Variants in EEFSEC observed in about 807,000 individuals in gnomAD.
The protein encoded by EEFSEC is selenocysteine-specific elongation factor.
A neutral mutation model predicts 42.1 loss-of-function variants in EEFSEC; 43 were observed. That is an observed-to-expected ratio of 1.02 (90% CI 0.80 to 1.32). The LOEUF is 1.32. EEFSEC is among the 40% of genes most tolerant of loss of function. EEFSEC has a pLI of 0.00. For missense variants in EEFSEC, 745 were observed against 803.6 expected (o/e 0.93, Z 0.88); for synonymous variants, 354 against 339.1 (o/e 1.04, Z -0.48).
chr3:128,175,752 G>A lies in EEFSEC; in HGVS notation c.316+21929G>A, dbSNP rs561036536. ...TGCTGGGCCTCTTTTTCAGAAGGAGGGAGAACATGGGTTTAGTAGTGAGCC... is the reference window on the plus strand; with the variant it reads ...TGCTGGGCCTCTTTTTCAGAAGGAGAGAGAACATGGGTTTAGTAGTGAGCC... On this transcript the variant is annotated intron_variant, in intron 1 of 6. Coordinates refer to ENST00000254730, the MANE Select transcript of EEFSEC (RefSeq NM_021937.5). Among the ~76,000 whole-genome samples the A allele has an allele frequency of 7.2e-5, 11 of 152,334 alleles. No homozygotes were observed. In the South Asian group the frequency reaches 1.7e-3, roughly 23 times the overall value.
chr3:128,168,478 A>G (rs1239223000), intron 1 of EEFSEC, among the ~76,000 whole-genome samples: 1 of 152,158 alleles, frequency 6.6e-6, no homozygotes, highest in African/African-American at 2.4e-5. Flanking sequence ...CTGGGGAGAG[A>G]GAGGAAGGCT....
At chr3:128,279,691 G>A (rs1176926495) in intron 4 of EEFSEC, among the ~76,000 whole-genome samples, 1 of 152,216 alleles carries the variant, frequency 6.6e-6, no homozygotes, top group East Asian at 1.9e-4. Flanking sequence ...CAGGGTCCAG[G>A]ATTGGTGTTG....
the EEFSEC span, among the ~76,000 whole-genome samples, chr3:128,421,488 G>A: frequency 6.6e-6 from 1 of 152,152 alleles, no homozygotes; most frequent in African/African-American, 2.4e-5. Flanking sequence ...CAGTCTCCGG[G>A]ACCTGACTCT....
intron 1 of EEFSEC, among the ~76,000 whole-genome samples, chr3:128,166,378 G>A (rs968595554): frequency 2.0e-5 from 3 of 152,222 alleles, no homozygotes; most frequent in African/African-American, 4.8e-5. Context: ...TGGCAGCCAC[G>A]AGCCTCATGG....
At chr3:128,289,878 A>G (rs554806913) in intron 4 of EEFSEC, among the ~76,000 whole-genome samples, 3 of 152,222 alleles carry the variant, frequency 2.0e-5, no homozygotes, top group Non-Finnish European at 2.9e-5. Flanking sequence ...TGGCCATCCC[A>G]TAATCTTCTT....
intron 1 of EEFSEC, among the ~76,000 whole-genome samples, chr3:128,206,644 A>C (rs753476855): frequency 6.6e-6 from 1 of 152,216 alleles, no homozygotes; most frequent in Non-Finnish European, 1.5e-5. Context: ...AAACCTTTTG[A>C]TATGAGAGAA....
intron 1 of EEFSEC, among the ~76,000 whole-genome samples, chr3:128,167,582 CAT>C (rs2065253775): frequency 6.6e-6 from 1 of 152,258 alleles, no homozygotes. Context: ...TAGTTTAACT[CAT>C]AGCAGATTTC....
chr3:128,212,467 G>A (rs538983966), intron 1 of EEFSEC, among the ~76,000 whole-genome samples: 124 of 152,338 alleles, frequency 8.1e-4, no homozygotes, highest in Non-Finnish European at 2.4e-4. Context: ...GTTGGACTCA[G>A]AGCCCTGCTT....
intron 6 of EEFSEC, among the ~76,000 whole-genome samples, chr3:128,373,472 T>G (rs1394458243): frequency 2.6e-5 from 4 of 152,182 alleles, no homozygotes; most frequent in Non-Finnish European, 5.9e-5. Context: ...CCAGGGAACC[T>G]CTGTGGCCCA....
chr3:128,355,133 C>T (rs967922393), intron 5 of EEFSEC, among the ~76,000 whole-genome samples: 2 of 152,184 alleles, frequency 1.3e-5, no homozygotes, highest in African/African-American at 4.8e-5. Context: ...ACTCAGTGAG[C>T]GCCTGTTCAC....
At chr3:128,387,592 CT>C (rs1444538425) in intron 6 of EEFSEC, among the ~76,000 whole-genome samples, 2 of 152,162 alleles carry the variant, frequency 1.3e-5, no homozygotes, top group African/African-American at 4.8e-5. Flanking sequence ...CTGCTGGCCT[CT>C]CCTCAGCTCA....
At chr3:128,332,553 G>A (rs1031708215) in intron 4 of EEFSEC, among the ~76,000 whole-genome samples, 1 of 152,216 alleles carries the variant, frequency 6.6e-6, no homozygotes, top group Non-Finnish European at 1.5e-5. Context: ...CTGGGTTCAA[G>A]TGATTCTCCC....
intron 4 of EEFSEC, among the ~76,000 whole-genome samples, chr3:128,291,516 T>C (rs535670996): frequency 6.6e-6 from 1 of 152,338 alleles, no homozygotes; most frequent in South Asian, 2.1e-4. Flanking sequence ...CACCTTGATA[T>C]TGGAATTCTC....
At chr3:128,279,144 G>T (rs747166809) in intron 4 of EEFSEC, among the ~76,000 whole-genome samples, 3 of 152,116 alleles carry the variant, frequency 2.0e-5, no homozygotes, top group Non-Finnish European at 4.4e-5. Context: ...TGAACCATAC[G>T]GCGGCGGCGT....
At chr3:128,220,818 G>T (rs2065854373) in intron 1 of EEFSEC, among the ~76,000 whole-genome samples, 1 of 152,186 alleles carries the variant, frequency 6.6e-6, no homozygotes, top group Non-Finnish European at 1.5e-5. Context: ...AGTGCTGTAT[G>T]TGCATTGCTG....
At chr3:128,399,866 C>T (rs2068028661) in intron 6 of EEFSEC, among the ~76,000 whole-genome samples, 1 of 152,092 alleles carries the variant, frequency 6.6e-6, no homozygotes. Flanking sequence ...TCCTCCGGGC[C>T]CGGGCTGCCC....
chr3:128,155,879 C>CTA (rs1944373193), intron 1 of EEFSEC, among the ~76,000 whole-genome samples: 1 of 152,216 alleles, frequency 6.6e-6, no homozygotes, highest in Non-Finnish European at 1.5e-5. Context: ...CAGGGTCACA[C>CTA]TATCTAAAGT....
intron 1 of EEFSEC, among the ~76,000 whole-genome samples, chr3:128,216,593 C>A (rs559309518): frequency 1.3e-5 from 2 of 152,242 alleles, no homozygotes; most frequent in Non-Finnish European, 2.9e-5. Flanking sequence ...AGCCCACTCA[C>A]GCCTGTACTG....
intron 1 of EEFSEC, among the ~76,000 whole-genome samples, chr3:128,188,637 C>T (rs2065489159): frequency 6.6e-6 from 1 of 152,162 alleles, no homozygotes; most frequent in Non-Finnish European, 1.5e-5. Flanking sequence ...ATTATTGTTC[C>T]ACAGTATCGC....
Sources: allele counts gnomAD v4.1 joint callset (sites outside exome capture counted in the v4.1 genomes callset), GRCh38; gene constraint gnomAD v4.1.1; transcripts MANE v1.5; gene names NCBI Gene and HGNC (gene_info 2026-07-23, HGNC 2026-07-21).